Variants in CDH15 observed in about 807,000 individuals in gnomAD.
The protein encoded by CDH15 is cadherin-15.
CDH15 carries 73 observed loss-of-function variants against 69.4 expected under a neutral mutation model. The observed-to-expected ratio is 1.05, with a 90% CI of 0.87 to 1.28. The LOEUF is 1.28. CDH15 is among the 50% of genes most tolerant of loss of function. CDH15 has a pLI of 0.00. For synonymous variants in CDH15, 624 were observed against 507.7 expected (o/e 1.23, Z -3.08); for missense variants, 1,343 against 1,133.6 (o/e 1.18, Z -2.65).
chr16:89,185,109 T>G, intron 4 of CDH15, 64 bp from the exon 5 acceptor site: 1 of 1,508,732 alleles, frequency 6.6e-7, no homozygotes, highest in Non-Finnish European at 9.0e-7. Context: ...CCCACGCCCC[T>G]CACAATGCCC....
At chr16:89,185,396 C>G (rs2151601023) in intron 5 of CDH15, 63 bp downstream of exon 5, 3 of 1,517,264 alleles carry the variant, frequency 2.0e-6, no homozygotes, top group Middle Eastern at 3.4e-4. Context: ...CCTGCGGGTC[C>G]CTCTGCCCCC....
At chr16:89,180,391 G>A (rs745421861) in intron 3 of CDH15, 36 bp downstream of exon 3, 1 of 1,601,370 alleles carries the variant, frequency 6.2e-7, no homozygotes, top group South Asian at 1.1e-5. Flanking sequence ...TGCCCCTCAA[G>A]CAGGCCTGGT....
chr16:89,194,873 T>G lies in CDH15; in HGVS notation c.2163T>G (p.Ala721=). 6.2e-7 allele frequency: 1 copy of G among 1,605,042 alleles called. No homozygotes were observed. Among genetic ancestry groups the G allele is most frequent in the South Asian group, 1.1e-5 (1 of 89,956 alleles). The part of the protein sequence containing the change: ...IADFINDGLE[A]ADSDPSVPPY... ...GGGCCTCTTTATAGGGCTTGGAGGC[T>G]GCAGATAGTGACCCCAGTGTGCCGC... The change falls in exon 14 of 14, where the codon GCT becomes GCG. Residue 721 remains alanine (A), a synonymous_variant. Coordinates refer to ENST00000289746, the MANE Select transcript of CDH15 (RefSeq NM_004933.3).
At chr16:89,173,333 C>T (rs1004127967) in intron 1 of CDH15, among the ~76,000 whole-genome samples, 1 of 152,188 alleles carries the variant, frequency 6.6e-6, no homozygotes, top group Non-Finnish European at 1.5e-5. Context: ...TCCTCCAGAC[C>T]TCTTCCTTTG....
intron 1 of CDH15, among the ~76,000 whole-genome samples, chr16:89,172,710 G>A (rs1915182073): frequency 6.6e-6 from 1 of 152,172 alleles, no homozygotes; most frequent in Non-Finnish European, 1.5e-5. Context: ...TCACACCCTA[G>A]GGGGACCTAG....
chr16:89,183,655 G>C lies in CDH15; in HGVS notation c.465G>C (p.Glu155Asp). The C allele has an allele frequency of 6.2e-7, 1 of 1,612,326 alleles. No individual in the cohort carries two copies. Among genetic ancestry groups the C allele is most frequent in the Non-Finnish European group, 8.5e-7 (1 of 1,179,298 alleles). Residue 155 changes from glutamate to aspartate, a missense_variant, in exon 4 of 14, where the codon GAG (glutamate) becomes GAC (aspartate). Transcript: ENST00000289746. Reference protein sequence around the residue: ...QNDNRPAFLQEAFTGRVLEGA... With the variant: ...QNDNRPAFLQDAFTGRVLEGA... Reference sequence around the variant, plus strand: ...ACAACCGGCCAGCCTTCCTGCAGGAGGCGTTCACTGGCCGCGTGCTGGAGG... The same window carrying C: ...ACAACCGGCCAGCCTTCCTGCAGGACGCGTTCACTGGCCGCGTGCTGGAGG...
In CDH15 at chr16:89,189,123, CCACA is replaced by C. The variant is rs1424671199; in HGVS notation, c.978+841_978+844del. ...CACACAGATGCCCACGCACAGGTGC[CCACA>C]CAAAGATGCCGGCACACACAGATGC... On this transcript the variant is annotated intron_variant, in intron 7 of 13. Transcript: ENST00000289746. Among the ~76,000 whole-genome samples the C allele has an allele frequency of 2.9e-5, 4 of 137,258 alleles. No homozygotes were observed. In the Admixed American group the frequency reaches 3.0e-4, roughly 10 times the overall value. The allele number at this position is 137,258 out of a possible 152,430, so 90.0% of individuals were successfully genotyped here. A position where few individuals can be genotyped will look rare whatever the true frequency, so the allele number is the denominator to read the frequency against.
intron 7 of CDH15, among the ~76,000 whole-genome samples, chr16:89,189,615 T>TTCC (rs1567775427): frequency 1.3e-5 from 2 of 152,254 alleles, no homozygotes; most frequent in South Asian, 4.1e-4. Context: ...CTGTCCAGCC[T>TTCC]TCCTCCTTTC....
intron 1 of CDH15, 100 bp downstream of exon 1, chr16:89,171,973 C>CCTTTGGG: frequency 3.1e-6 from 4 of 1,300,052 alleles, no homozygotes; most frequent in Non-Finnish European, 4.3e-6. Context: ...GAACCACTGG[C>CCTTTGGG]CCTGGTCGCC....
intron 5 of CDH15, 79 bp downstream of exon 5, chr16:89,185,412 G>A (rs1476916360): frequency 2.1e-6 from 3 of 1,460,028 alleles, no homozygotes; most frequent in East Asian, 2.5e-5. Flanking sequence ...CCCCCAGCCT[G>A]CCCACCCCAG....
In CDH15 at chr16:89,179,497, C is replaced by T. The variant is rs773680931; in HGVS notation, c.124C>T (p.Arg42Cys). ...CTGGCGCCGGGCGCCTGCCCTGAGC[C>T]GCGTGCGGAGGGCCTGGGTCATCCC... ...YPWRRAPALS[R>C]VRRAWVIPPI... is the part of the protein sequence containing the mutation. The change falls in exon 2 of 14, where the codon CGC (arginine) becomes TGC (cysteine). Residue 42 changes from arginine to cysteine, a missense_variant. Transcript: ENST00000289746. 1.8e-5 allele frequency: 29 copies of T among 1,613,246 alleles called. No homozygotes were observed. The highest frequency in any genetic ancestry group is 1.1e-5 in the South Asian group (1 of 91,074).
At chr16:89,179,617 G>C in intron 2 of CDH15, 43 bp downstream of exon 2, 2 of 1,510,300 alleles carry the variant, frequency 1.3e-6, no homozygotes, top group Non-Finnish European at 1.8e-6. Flanking sequence ...GGGGTAGGCT[G>C]GTCCCCAGTG....
intron 7 of CDH15, among the ~76,000 whole-genome samples, chr16:89,189,013 A>G (rs1417008257): frequency 6.8e-6 from 1 of 146,102 alleles, no homozygotes; most frequent in African/African-American, 2.6e-5. Flanking sequence ...ATGCCCACAC[A>G]CAGGTGCCCA....
intron 2 of CDH15, 139 bp from the exon 3 acceptor site, chr16:89,180,061 G>T: frequency 1.1e-6 from 1 of 928,142 alleles, no homozygotes; most frequent in Non-Finnish European, 1.7e-6. Flanking sequence ...GCTCCTCATT[G>T]GGTACCAGGA....
chr16:89,190,171 C>G (rs1437563501), intron 7 of CDH15, 72 bp from the exon 8 acceptor site: 1 of 1,569,318 alleles, frequency 6.4e-7, no homozygotes, highest in Non-Finnish European at 8.7e-7. Context: ...AGGAGTGGCT[C>G]CCCCATGGCA....
chr16:89,193,972 G>A, intron 13 of CDH15, 59 bp downstream of exon 13: 1 of 1,567,130 alleles, frequency 6.4e-7, no homozygotes, highest in Non-Finnish European at 8.7e-7. Context: ...ACACACACAT[G>A]CACATGTACA....
At chr16:89,185,390 C>T (rs2287356) in intron 5 of CDH15, 57 bp downstream of exon 5, 349,393 of 1,536,428 alleles carry the variant, frequency 0.23, 40,493 homozygotes, top group East Asian at 0.29. Context: ...CCATCTCCTG[C>T]GGGTCCCTCT....
In CDH15 at chr16:89,193,787, G is replaced by A. The variant is rs62068507; in HGVS notation, c.2025G>A (p.Pro675=). ...DAYDISQLRH[P]TALSLPLGPP... ...ACGACATCAGCCAGCTGCGTCACCC[G>A]ACAGCGCTGAGCCTGCCTCTGGGAC... Residue 675 remains proline (P), a synonymous_variant, in exon 13 of 14, where the codon CCG becomes CCA. Coordinates refer to ENST00000289746, the MANE Select transcript of CDH15 (RefSeq NM_004933.3). 8.7e-3 allele frequency: 13,969 copies of A among 1,605,904 alleles called. 79 individuals carry two copies. The highest frequency in any genetic ancestry group is 0.01 in the Non-Finnish European group (12,128 of 1,179,142).
intron 11 of CDH15, 56 bp from the exon 12 acceptor site, chr16:89,193,414 G>C: frequency 6.9e-7 from 1 of 1,453,680 alleles, no homozygotes; most frequent in South Asian, 1.3e-5. Flanking sequence ...TCGCAGCCCG[G>C]CCCCCTGAAG....
Sources: allele counts gnomAD v4.1 joint callset (sites outside exome capture counted in the v4.1 genomes callset), GRCh38; gene constraint gnomAD v4.1.1; transcripts MANE v1.5; gene names NCBI Gene and HGNC (gene_info 2026-07-23, HGNC 2026-07-21).